Variants in PRUNE1 observed in about 807,000 individuals in gnomAD.
The protein encoded by PRUNE1 is prune exopolyphosphatase 1.
A neutral mutation model predicts 42.5 loss-of-function variants in PRUNE1; 25 were observed. The observed-to-expected ratio is 0.59, with a 90% CI of 0.43 to 0.82. The LOEUF is 0.82. Ranked by LOEUF, PRUNE1 falls within the 40% of genes least tolerant of loss-of-function variation. PRUNE1 has a pLI of 0.00. For synonymous variants in PRUNE1, 203 were observed against 217.1 expected, an observed-to-expected ratio of 0.93 and a Z score of 0.57; for missense variants, 443 against 539.3, an observed-to-expected ratio of 0.82 and a Z score of 1.77.
chr1:151,031,210 A>C (rs1675228638), intron 7 of PRUNE1, among the ~76,000 whole-genome samples: 1 of 96,354 alleles, frequency 1.0e-5, no homozygotes, highest in South Asian at 3.0e-4. Context: ...TTTTTTTTTG[A>C]GATGTCTCAC....
At position 151,034,583 on chromosome 1, in the gene PRUNE1, C is replaced by T. The variant is rs1675446472; in HGVS notation, c.*349C>T. The T allele has an allele frequency of 4.1e-6, 1 of 245,066 alleles. No homozygotes were observed. Among genetic ancestry groups the T allele is most frequent in the African/African-American group, 2.2e-5 (1 of 45,886 alleles). The allele number at this position is 245,066 out of a possible 1,614,324, so 15.2% of individuals were successfully genotyped here. ...CCTCGGCATGGATCTTGAACAGAAC[C>T]AGTATCTGTCATGGAACTGAACATT... On this transcript the variant is annotated 3_prime_UTR_variant, in exon 8 of 8. Transcript: ENST00000271620.
chr1:151,017,868 A>G lies in PRUNE1; in HGVS notation c.96A>G (p.Thr32=), dbSNP rs748109297. Residue 32 remains threonine (T), a synonymous_variant, in exon 2 of 8, where the codon ACA becomes ACG. Transcript: ENST00000271620. ...ATGAAGCCTGTGATTTGGACTCCAC[A>G]GTGTCTGCTCTTGCCCTGGCTTTTT... ...LGNEACDLDS[T]VSALALAFYL... 2 of 1,605,928 alleles carry G rather than the reference A, an allele frequency of 1.2e-6. No homozygotes were observed. The highest frequency in any genetic ancestry group is 2.7e-5 in the African/African-American group (2 of 74,816).
intron 5 of PRUNE1, 46 bp from the exon 6 acceptor site, chr1:151,027,187 C>T (rs1004561147): frequency 6.9e-7 from 1 of 1,441,946 alleles, no homozygotes. Flanking sequence ...GGTCTTGGGA[C>T]CCTGGCCTAC....
intron 3 of PRUNE1, among the ~76,000 whole-genome samples, chr1:151,024,269 G>A (rs1018089858): frequency 2.6e-5 from 4 of 151,362 alleles, no homozygotes; most frequent in Non-Finnish European, 5.9e-5. Flanking sequence ...TTGCCTGGCA[G>A]ATCACCTGAG....
chr1:151,030,262 CA>C (rs779376441), intron 7 of PRUNE1, among the ~76,000 whole-genome samples: 8,522 of 86,014 alleles, frequency 0.099, 728 homozygotes, highest in African/African-American at 0.28. Flanking sequence ...ACTCCGTCTC[CA>C]AAAAAAAAAA....
rs1675499600 is a variant in PRUNE1 at position 151,035,424 on chromosome 1, T to C, written c.*1190T>C. The C allele has an allele frequency of 6.6e-6, 1 of 151,736 alleles. No homozygotes were observed. Among genetic ancestry groups the C allele is most frequent in the South Asian group, 2.1e-4 (1 of 4,838 alleles). The allele number at this position is 151,736 out of a possible 1,614,324, so 9.4% of individuals were successfully genotyped here. ...CCCTCCCACTAACTTGTTCTGCATG[T>C]GTAGAGTCTCCCCATTTTTTTTAAC... On this transcript the variant is annotated 3_prime_UTR_variant, in exon 8 of 8. Transcript: ENST00000271620.
chr1:151,016,912 G>A (rs1674135981), intron 1 of PRUNE1, among the ~76,000 whole-genome samples: 1 of 151,594 alleles, frequency 6.6e-6, no homozygotes, highest in African/African-American at 2.4e-5. Context: ...TGTAATCCCA[G>A]CACTTTGGGA....
chr1:151,012,107 G>GAAAA (rs34147552), intron 1 of PRUNE1, among the ~76,000 whole-genome samples: 1 of 151,994 alleles, frequency 6.6e-6, no homozygotes, highest in African/African-American at 2.4e-5. Flanking sequence ...AAAGAAAAAA[G>GAAAA]AAAAAAAGTT....
At chr1:151,029,402 C>T (rs1295519723) in intron 7 of PRUNE1, among the ~76,000 whole-genome samples, 6 of 118,476 alleles carry the variant, frequency 5.1e-5, no homozygotes, top group African/African-American at 1.9e-4. Context: ...CAGTCTTGTG[C>T]TGTTGCCCAG....
intron 1 of PRUNE1, among the ~76,000 whole-genome samples, chr1:151,013,144 C>T (rs1673882104): frequency 6.6e-6 from 1 of 152,170 alleles, no homozygotes; most frequent in African/African-American, 2.4e-5. Context: ...TGGAATTCAA[C>T]CCCAAAGTCT....
At chr1:151,014,478 T>C (rs965691420) in intron 1 of PRUNE1, among the ~76,000 whole-genome samples, 1 of 152,214 alleles carries the variant, frequency 6.6e-6, no homozygotes, top group Admixed American at 6.5e-5. Flanking sequence ...GGGCAATTGA[T>C]ACCACCAGAA....
chr1:151,026,251 G>A (rs1674830166), intron 5 of PRUNE1, among the ~76,000 whole-genome samples: 1 of 151,558 alleles, frequency 6.6e-6, no homozygotes, highest in African/African-American at 2.4e-5. Context: ...GAGGTCAGGA[G>A]TTCAAGACCA....
intron 7 of PRUNE1, among the ~76,000 whole-genome samples, chr1:151,032,489 G>A (rs1219890238): frequency 3.1e-4 from 47 of 150,788 alleles, no homozygotes; most frequent in Admixed American, 2.8e-3. Flanking sequence ...AGGCGAGAGC[G>A]GATGACCTGA....
At chr1:151,013,267 G>A (rs587623624) in intron 1 of PRUNE1, among the ~76,000 whole-genome samples, 6 of 152,274 alleles carry the variant, frequency 3.9e-5, no homozygotes, top group South Asian at 2.1e-4. Context: ...CAGTCAGGCC[G>A]GGGTGACAGT....
chr1:151,028,644 G>A (rs1675032421), intron 6 of PRUNE1, 142 bp from the exon 7 acceptor site: 6 of 791,934 alleles, frequency 7.6e-6, no homozygotes, highest in Non-Finnish European at 1.0e-5. Flanking sequence ...GGCTGGTCTC[G>A]AACTCCTGAC....
chr1:151,024,881 C>G, intron 4 of PRUNE1, 86 bp downstream of exon 4: 1 of 1,361,546 alleles, frequency 7.3e-7, no homozygotes, highest in African/African-American at 1.5e-5. Flanking sequence ...CGCTTCCAGC[C>G]TAACCATATG....
intron 1 of PRUNE1, among the ~76,000 whole-genome samples, chr1:151,011,794 T>C (rs1673785004): frequency 6.6e-6 from 1 of 151,916 alleles, no homozygotes; most frequent in African/African-American, 2.4e-5. Flanking sequence ...TTTTTTTTTT[T>C]TTTGAGACAA....
At chr1:151,012,849 G>A (rs898946325) in intron 1 of PRUNE1, among the ~76,000 whole-genome samples, 3 of 151,962 alleles carry the variant, frequency 2.0e-5, no homozygotes, top group African/African-American at 7.3e-5. Flanking sequence ...TCGGCTCACT[G>A]CAACCTCCGC....
chr1:151,009,582 C>T (rs759635195), intron 1 of PRUNE1, among the ~76,000 whole-genome samples: 1 of 152,242 alleles, frequency 6.6e-6, no homozygotes, highest in East Asian at 1.9e-4. Context: ...CCTGAAGAAA[C>T]CTAGATAGAT....
Sources: allele counts gnomAD v4.1 joint callset (sites outside exome capture counted in the v4.1 genomes callset), GRCh38; gene constraint gnomAD v4.1.1; transcripts MANE v1.5; gene names NCBI Gene and HGNC (gene_info 2026-07-23, HGNC 2026-07-21).